The following PACSIN1 variants were observed in gnomAD, a reference collection of about 807,000 sequenced individuals.
PACSIN1 encodes protein kinase C and casein kinase substrate in neurons protein 1.
In PACSIN1, 15 loss-of-function variants were observed where a neutral mutation model predicts 59.5. The ratio of observed to expected loss-of-function variants is 0.25; its 90% confidence interval spans 0.17 to 0.39. The LOEUF is 0.39. Among genes scored for constraint, PACSIN1 ranks in the 10% least tolerant of loss-of-function variants. The pLI, the probability that PACSIN1 is intolerant of heterozygous loss-of-function variation, is 1.00. For missense variants in PACSIN1, 420 were observed against 580.2 expected, an observed-to-expected ratio of 0.72 and a Z score of 2.84; for synonymous variants, 210 against 220.6, an observed-to-expected ratio of 0.95 and a Z score of 0.42.
intron 1 of PACSIN1, among the ~76,000 whole-genome samples, chr6:34,498,977 A>G (rs1029720122): frequency 4.6e-5 from 7 of 151,816 alleles, no homozygotes; most frequent in Non-Finnish European, 7.4e-5. Flanking sequence ...TCCACAGACC[A>G]GGGTTAGGGG....
chr6:34,498,070 T>G (rs1043517060), intron 1 of PACSIN1, among the ~76,000 whole-genome samples: 8 of 151,992 alleles, frequency 5.3e-5, no homozygotes, highest in African/African-American at 1.7e-4. Context: ...GTTTGTTTGT[T>G]TGTTTGTTTT....
chr6:34,516,305 C>T lies in PACSIN1; in HGVS notation c.-63-9938C>T, dbSNP rs1767290731. On this transcript the variant is annotated intron_variant, in intron 1 of 9. Transcript: ENST00000244458. The surrounding 1 kb of genome is among the most constrained non-coding windows in gnomAD (Gnocchi z 5.4). The stretch of plus-strand genomic sequence containing the variant: ...GCGTGGCTCTGCTCATTTCTGCAAA[C>T]GTTAGACGCACATTCACAGAGTGCT... Among the ~76,000 whole-genome samples the T allele has an allele frequency of 6.6e-6, 1 of 152,148 alleles. No homozygotes were observed. The highest frequency in any genetic ancestry group is 2.1e-4 in the South Asian group (1 of 4,824).
In PACSIN1 at chr6:34,530,157, C is replaced by T; in HGVS notation, c.789-86C>T. 1.3e-6 allele frequency: 2 copies of T among 1,491,224 alleles called. No homozygotes were observed. Among genetic ancestry groups the T allele is most frequent in the Non-Finnish European group, 1.8e-6 (2 of 1,111,166 alleles). The allele number at this position is 1,491,224 out of a possible 1,614,324, so 92.4% of individuals were successfully genotyped here. ...GCAGCATGCCCAGCACCCTGCTTCCCTGAGTGGACTCTGGCCTCTCACCAA... is the reference window on the plus strand; with the variant it reads ...GCAGCATGCCCAGCACCCTGCTTCCTTGAGTGGACTCTGGCCTCTCACCAA... On this transcript the variant is annotated intron_variant, in intron 6 of 9. Coordinates refer to ENST00000244458, the MANE Select transcript of PACSIN1 (RefSeq NM_020804.5). The surrounding 1 kb of genome is among the most constrained non-coding windows in gnomAD (Gnocchi z 4.4).
At chr6:34,494,930 T>C (rs936544470) in intron 1 of PACSIN1, among the ~76,000 whole-genome samples, 1 of 152,220 alleles carries the variant, frequency 6.6e-6, no homozygotes, top group Non-Finnish European at 1.5e-5. Flanking sequence ...GCACCAGTGC[T>C]AGTTACTGTA....
At chr6:34,480,090 T>C (rs925222115) in intron 1 of PACSIN1, among the ~76,000 whole-genome samples, 5 of 152,088 alleles carry the variant, frequency 3.3e-5, no homozygotes, top group Admixed American at 2.6e-4. Context: ...CCTCCCAAAG[T>C]GCTGGGATTA....
intron 1 of PACSIN1, among the ~76,000 whole-genome samples, chr6:34,484,333 G>A (rs1455437906): frequency 6.6e-6 from 1 of 152,136 alleles, no homozygotes; most frequent in Non-Finnish European, 1.5e-5. Flanking sequence ...TTTACTAAGT[G>A]AAAGAAGCCA....
intron 1 of PACSIN1, among the ~76,000 whole-genome samples, chr6:34,489,046 C>G (rs1379568064): frequency 6.6e-6 from 1 of 151,692 alleles, no homozygotes; most frequent in Non-Finnish European, 1.5e-5. Context: ...CCAGGTGTGG[C>G]GGCATGCCCC....
chr6:34,497,900 A>T (rs1766970940), intron 1 of PACSIN1, among the ~76,000 whole-genome samples: 1 of 152,138 alleles, frequency 6.6e-6, no homozygotes, highest in Non-Finnish European at 1.5e-5. Flanking sequence ...TACAGAGACT[A>T]ATACAATTGG....
At position 34,478,955 on chromosome 6, in the gene PACSIN1, G is replaced by A. The variant is rs544564445; in HGVS notation, c.-64+12685G>A. 6.6e-5 allele frequency among the ~76,000 whole-genome samples: 10 copies of A among 152,210 alleles called. No individual in the cohort carries two copies. In the South Asian group the frequency reaches 2.1e-3, roughly 32 times the overall value. On this transcript the variant is annotated intron_variant, in intron 1 of 9. Transcript: ENST00000244458. ...TGGCTGCATTCTAATACGGCAAGAG[G>A]AGGTGCCAGAGCAACAAGTGGGCAA... is the stretch of plus-strand genomic sequence containing the variant.
chr6:34,530,679 A>C lies in PACSIN1; in HGVS notation c.1037+92A>C. 3.1e-6 allele frequency: 4 copies of C among 1,302,916 alleles called. No individual in the cohort carries two copies. The highest frequency in any genetic ancestry group is 3.2e-5 in the Admixed American group (1 of 30,942). The allele number at this position is 1,302,916 out of a possible 1,614,324, so 80.7% of individuals were successfully genotyped here. On this transcript the variant is annotated intron_variant, in intron 8 of 9. Transcript: ENST00000244458. The surrounding 1 kb of genome is among the most constrained non-coding windows in gnomAD (Gnocchi z 4.4). Reference sequence around the variant, plus strand: ...CTTCAGAAGACAAGAAATGGTCTAGATCATAGCAACTATGTCTCCTCTCTA... The same window carrying C: ...CTTCAGAAGACAAGAAATGGTCTAGCTCATAGCAACTATGTCTCCTCTCTA...
Position 34,534,503 on chromosome 6 carries a change from T to A in PACSIN1, c.*1973T>A, listed in dbSNP as rs1170340089. ...TCTCCAGCCTTTCCCCAGGCAGGAG[T>A]TGGGGTTGGGGGCCTCTGTCCCTCA... On this transcript the variant is annotated 3_prime_UTR_variant, in exon 10 of 10. Transcript: ENST00000244458. The A allele has an allele frequency of 6.6e-6, 1 of 152,056 alleles. No homozygotes were observed. The highest frequency in any genetic ancestry group is 6.6e-5 in the Admixed American group (1 of 15,220). 9.4% of individuals were successfully genotyped at this position (152,056 alleles called of 1,614,324 possible). A position where few individuals can be genotyped will look rare whatever the true frequency, so the allele number is the denominator to read the frequency against.
chr6:34,523,783 T>A (rs913566058), intron 1 of PACSIN1, among the ~76,000 whole-genome samples: 1 of 152,102 alleles, frequency 6.6e-6, no homozygotes, highest in African/African-American at 2.4e-5. Context: ...GTGAGGTTAG[T>A]TTGGAAAAGG....
chr6:34,482,700 G>A (rs1203697002), intron 1 of PACSIN1, among the ~76,000 whole-genome samples: 1 of 143,900 alleles, frequency 6.9e-6, no homozygotes, highest in Admixed American at 7.0e-5. Flanking sequence ...TTTTTTTTGA[G>A]ACAGAGTCTC....
intron 1 of PACSIN1, among the ~76,000 whole-genome samples, chr6:34,487,869 G>A (rs1766818582): frequency 1.3e-5 from 2 of 152,172 alleles, no homozygotes; most frequent in Non-Finnish European, 2.9e-5. Context: ...TGGGAAGGTG[G>A]CAAACCTACA....
chr6:34,514,066 G>A lies in PACSIN1; in HGVS notation c.-63-12177G>A, dbSNP rs530819074. ...TGATATTAGTGTCACAGTTACGTGT[G>A]TGTGTGTTATAGGTGCACTGTAGGA... On this transcript the variant is annotated intron_variant, in intron 1 of 9. Coordinates refer to ENST00000244458, the MANE Select transcript of PACSIN1 (RefSeq NM_020804.5). The surrounding 1 kb of genome is among the most constrained non-coding windows in gnomAD (Gnocchi z 4.4). Among the ~76,000 whole-genome samples the A allele has an allele frequency of 6.6e-6, 1 of 152,350 alleles. No individual in the cohort carries two copies. Among genetic ancestry groups the A allele is most frequent in the Admixed American group, 6.5e-5 (1 of 15,304 alleles).
chr6:34,523,765 G>C (rs60652435), intron 1 of PACSIN1, among the ~76,000 whole-genome samples: 2,524 of 152,320 alleles, frequency 0.017, 60 homozygotes, highest in African/African-American at 0.057. Flanking sequence ...TGCCCCTAGG[G>C]TGGGGGTGTG....
At chr6:34,503,515 C>T (rs1309676916) in intron 1 of PACSIN1, among the ~76,000 whole-genome samples, 2 of 152,158 alleles carry the variant, frequency 1.3e-5, no homozygotes, top group Non-Finnish European at 2.9e-5. Context: ...GCATGCCCAG[C>T]CTGGTGCAGG....
chr6:34,517,697 C>T (rs1767317220), intron 1 of PACSIN1, among the ~76,000 whole-genome samples: 1 of 151,542 alleles, frequency 6.6e-6, no homozygotes, highest in Non-Finnish European at 1.5e-5. Context: ...CTTCTCTGAC[C>T]ATCCTCCATA....
At chr6:34,481,521 T>C (rs1473272045) in intron 1 of PACSIN1, among the ~76,000 whole-genome samples, 1 of 151,894 alleles carries the variant, frequency 6.6e-6, no homozygotes, top group African/African-American at 2.4e-5. Context: ...TACAAAAAAA[T>C]TAGCCAGGCG....
Sources: allele counts gnomAD v4.1 joint callset (sites outside exome capture counted in the v4.1 genomes callset), GRCh38; gene constraint gnomAD v4.1.1; non-coding constraint Gnocchi (gnomAD v3.1); transcripts MANE v1.5; gene names NCBI Gene and HGNC (gene_info 2026-07-23, HGNC 2026-07-21).